PTPRO: variants seen among roughly 807,000 people sequenced by gnomAD.
The protein encoded by PTPRO is receptor-type tyrosine-protein phosphatase O.
PTPRO carries 62 observed loss-of-function variants against 145.2 expected under a neutral mutation model. The observed-to-expected ratio is 0.43, with a 90% CI of 0.35 to 0.53. The LOEUF (loss-of-function observed/expected upper bound fraction) is 0.53. PTPRO is among the 20% of genes least tolerant of loss of function. PTPRO has a pLI of 0.01. For synonymous variants in PTPRO, 565 were observed against 514.7 expected, an observed-to-expected ratio of 1.10 and a Z score of -1.32; for missense variants, 1,345 against 1,482.7, an observed-to-expected ratio of 0.91 and a Z score of 1.53.
intron 1 of PTPRO, among the ~76,000 whole-genome samples, chr12:15,481,490 A>G (rs937117314): frequency 6.6e-6 from 1 of 152,224 alleles, no homozygotes; most frequent in African/African-American, 2.4e-5. Context: ...ACATAGTCCA[A>G]TAAAGGGATG....
intron 1 of PTPRO, chr12:15,337,533 T>C (rs1866806985): frequency 6.6e-6 from 1 of 152,164 alleles, no homozygotes; most frequent in Admixed American, 6.5e-5. Flanking sequence ...CCCATCTCAC[T>C]CATCCATGAA....
At chr12:15,452,220 A>C (rs942888793) in intron 1 of PTPRO, among the ~76,000 whole-genome samples, 1 of 152,208 alleles carries the variant, frequency 6.6e-6, no homozygotes, top group Non-Finnish European at 1.5e-5. Flanking sequence ...GAACACCTTT[A>C]TGTGCATAAA....
At chr12:15,435,588 C>G (rs952803922) in intron 1 of PTPRO, among the ~76,000 whole-genome samples, 2 of 151,084 alleles carry the variant, frequency 1.3e-5, no homozygotes, top group Non-Finnish European at 2.9e-5. Flanking sequence ...CAATCTCTCT[C>G]TATAATTCCT....
In PTPRO at chr12:15,416,319, CTCTT is replaced by C. The variant is rs1319214634; in HGVS notation, c.76-67649_76-67646del. 4.4e-4 allele frequency among the ~76,000 whole-genome samples: 46 copies of C among 105,502 alleles called. 1 individual carries two copies. The highest frequency in any genetic ancestry group is 1.8e-3 in the African/African-American group (44 of 24,786). The allele number at this position is 105,502 out of a possible 152,430, so 69.2% of individuals were successfully genotyped here. ...TTGGTTCCTCTTTCTCTCTCTCTCT[CTCTT>C]TCTTTTTTTTTTTTGAGACAGAGTC... On this transcript the variant is annotated intron_variant, in intron 1 of 26. Coordinates refer to ENST00000281171, the MANE Select transcript of PTPRO (RefSeq NM_030667.3).
At chr12:15,455,840 C>A (rs1376711751) in intron 1 of PTPRO, among the ~76,000 whole-genome samples, 1 of 152,060 alleles carries the variant, frequency 6.6e-6, no homozygotes, top group Non-Finnish European at 1.5e-5. Context: ...AGTTTGAATG[C>A]CTTGTGTTTC....
chr12:15,472,398 T>C (rs1325046670), intron 1 of PTPRO, among the ~76,000 whole-genome samples: 1 of 152,240 alleles, frequency 6.6e-6, no homozygotes, highest in Non-Finnish European at 1.5e-5. Context: ...TGATTTCCTT[T>C]GGCCTAAAAA....
At chr12:15,389,387 G>C (rs968031963) in intron 1 of PTPRO, among the ~76,000 whole-genome samples, 1 of 151,996 alleles carries the variant, frequency 6.6e-6, no homozygotes, top group East Asian at 1.9e-4. Flanking sequence ...GATTACAGGC[G>C]AGAGACACCA....
chr12:15,360,450 T>C (rs1051414556), intron 1 of PTPRO, among the ~76,000 whole-genome samples: 4 of 152,092 alleles, frequency 2.6e-5, no homozygotes, highest in Non-Finnish European at 4.4e-5. Context: ...TCCATGACAA[T>C]AAAACATAGT....
intron 1 of PTPRO, chr12:15,439,718 C>A: frequency 3.9e-6 from 2 of 512,626 alleles, no homozygotes; most frequent in Non-Finnish European, 7.6e-6. Context: ...CGTCACCGAG[C>A]TGGACCTCCT....
chr12:15,416,474 C>A (rs1164992889), intron 1 of PTPRO, among the ~76,000 whole-genome samples: 1 of 151,362 alleles, frequency 6.6e-6, no homozygotes, highest in Admixed American at 6.6e-5. Flanking sequence ...CGCCCACCAC[C>A]ATGCCTGGCT....
chr12:15,505,994 C>A (rs1187517334), intron 6 of PTPRO, among the ~76,000 whole-genome samples: 1 of 152,056 alleles, frequency 6.6e-6, no homozygotes, highest in Non-Finnish European at 1.5e-5. Context: ...CATACTGAAT[C>A]GCAGAAATTT....
intron 1 of PTPRO, among the ~76,000 whole-genome samples, chr12:15,392,445 G>A (rs1939212738): frequency 1.3e-5 from 2 of 152,160 alleles, no homozygotes; most frequent in South Asian, 4.1e-4. Flanking sequence ...CCCAGGCCAG[G>A]CATGGTGGCT....
chr12:15,479,091 C>A (rs1941723123), intron 1 of PTPRO, among the ~76,000 whole-genome samples: 1 of 152,310 alleles, frequency 6.6e-6, no homozygotes, highest in African/African-American at 2.4e-5. Flanking sequence ...CCCCTCTATT[C>A]TAGGGATTTC....
chr12:15,392,257 G>C (rs1004629770), intron 1 of PTPRO, among the ~76,000 whole-genome samples: 3 of 152,180 alleles, frequency 2.0e-5, no homozygotes, highest in African/African-American at 7.2e-5. Context: ...GTATGAGAAG[G>C]TGTCAATTCA....
At chr12:15,369,627 T>C (rs116366936) in intron 1 of PTPRO, among the ~76,000 whole-genome samples, 1,589 of 152,344 alleles carry the variant, frequency 0.01, 26 homozygotes, top group African/African-American at 0.033. Flanking sequence ...TTTCCTCATA[T>C]GCTCAAGCTT....
At chr12:15,364,698 A>G (rs1018913575) in intron 1 of PTPRO, among the ~76,000 whole-genome samples, 2 of 152,134 alleles carry the variant, frequency 1.3e-5, no homozygotes, top group Admixed American at 1.3e-4. Flanking sequence ...AAGTCATAGC[A>G]ACAGTGACAC....
At chr12:15,412,519 T>G (rs1215975869) in intron 1 of PTPRO, among the ~76,000 whole-genome samples, 2 of 152,236 alleles carry the variant, frequency 1.3e-5, no homozygotes, top group African/African-American at 4.8e-5. Context: ...CTGCAACTTC[T>G]CATTTTTTTG....
At chr12:15,467,889 A>G (rs1212294552) in intron 1 of PTPRO, among the ~76,000 whole-genome samples, 2 of 152,110 alleles carry the variant, frequency 1.3e-5, no homozygotes, top group Middle Eastern at 3.2e-3. Flanking sequence ...AGGGTGACGG[A>G]GAACTATTTG....
intron 25 of PTPRO, among the ~76,000 whole-genome samples, chr12:15,593,056 T>A (rs1944585781): frequency 6.6e-6 from 1 of 152,234 alleles, no homozygotes; most frequent in South Asian, 2.1e-4. Context: ...GCAGATTGAA[T>A]GTCCAGGCAA....
Sources: allele counts gnomAD v4.1 joint callset (sites outside exome capture counted in the v4.1 genomes callset), GRCh38; gene constraint gnomAD v4.1.1; transcripts MANE v1.5; gene names NCBI Gene and HGNC (gene_info 2026-07-23, HGNC 2026-07-21).